The following PLD4 variants were observed in gnomAD, a reference collection of about 807,000 sequenced individuals.
The protein encoded by PLD4 is 5'-3' exonuclease PLD4.
PLD4 carries 54 observed loss-of-function variants against 52.3 expected under a neutral mutation model. That is an observed-to-expected ratio of 1.03 (90% CI 0.83 to 1.30). The LOEUF (loss-of-function observed/expected upper bound fraction) is 1.30. PLD4 is among the 50% of genes most tolerant of loss of function. The probability of loss-of-function intolerance (pLI) is 0.00; values close to 1 mark genes in which losing one functional copy is unlikely to be tolerated. For missense variants in PLD4, 731 were observed against 671.1 expected (o/e 1.09, Z -0.99); for synonymous variants, 264 against 286.5 (o/e 0.92, Z 0.79).
At chr14:104,930,181 C>T (rs895338278) in intron 6 of PLD4, 76 bp downstream of exon 6, 3 of 1,566,102 alleles carry the variant, frequency 1.9e-6, no homozygotes, top group Non-Finnish European at 2.6e-6. Context: ...CTTGGCCTGA[C>T]ATCTCAGTGC....
Position 104,931,756 on chromosome 14 carries a change from A to G in PLD4, c.927A>G (p.Pro309=), listed in dbSNP as rs760069239. Residue 309 remains proline (P), a synonymous_variant, in exon 8 of 11, where the codon CCA becomes CCG. Transcript: ENST00000392593. The part of the protein sequence containing the change: ...VPTTAYFSAS[P]PALCPQGRTR... ...TTTCTCTCCCGTCACAGGCGTCGCC[A>G]CCAGCACTCTGTCCCCAGGGCCGCA... The G allele has an allele frequency of 7.1e-5, 112 of 1,587,700 alleles. No individual in the cohort carries two copies. Among genetic ancestry groups the G allele is most frequent in the Non-Finnish European group, 1.7e-5 (20 of 1,167,904 alleles).
At chr14:104,931,658 C>A (rs1205240474) in intron 7 of PLD4, 90 bp from the exon 8 acceptor site, 1 of 1,472,876 alleles carries the variant, frequency 6.8e-7, no homozygotes, top group Non-Finnish European at 9.0e-7. Flanking sequence ...CTCCACACCA[C>A]ATGGGGCCTC....
rs191212405 is a variant in PLD4 at position 104,931,749 on chromosome 14, C to A, written c.920C>A (p.Ala307Glu). 32 of 1,585,124 alleles carry A rather than the reference C, an allele frequency of 2.0e-5. No individual in the cohort carries two copies. The East Asian group carries it at 6.2e-4, about 31-fold the overall frequency. The change falls in exon 8 of 11, where the codon GCG becomes GAG. Residue 307 changes from alanine (A) to glutamate (E), a missense_variant and splice_region_variant. By Grantham distance (107) the Ala-to-Glu change is moderately radical. Transcript: ENST00000392593. ...DGVPTTAYFSASPPALCPQGR... is the reference protein window; with the variant it reads ...DGVPTTAYFSESPPALCPQGR... ...TCAGGGATTTCTCTCCCGTCACAGGCGTCGCCACCAGCACTCTGTCCCCAG... is the reference window on the plus strand; with the variant it reads ...TCAGGGATTTCTCTCCCGTCACAGGAGTCGCCACCAGCACTCTGTCCCCAG...
chr14:104,929,755 C>T (rs1208831382), intron 5 of PLD4, among the ~76,000 whole-genome samples: 3 of 152,196 alleles, frequency 2.0e-5, no homozygotes, highest in African/African-American at 7.2e-5. Context: ...TGGGCAGTCA[C>T]CACAAAGGCA....
In PLD4 at chr14:104,932,319, A is replaced by G; in HGVS notation, c.1285A>G (p.Ser429Gly). 1.2e-6 allele frequency: 2 copies of G among 1,612,722 alleles called. No individual in the cohort carries two copies. The highest frequency in any genetic ancestry group is 1.7e-6 in the Non-Finnish European group (2 of 1,179,870). ...CATCCCATTCAGCAGGGTGAACCAC[A>G]GCAAGTTCATGGTCACGGAGAAGGC... ...SNIPFSRVNHSKFMVTEKAAY... is the reference protein window; with the variant it reads ...SNIPFSRVNHGKFMVTEKAAY... The change falls in exon 10 of 11, where the codon AGC (serine) becomes GGC (glycine). Residue 429 changes from serine (S) to glycine (G), a missense_variant. Transcript: ENST00000392593. The surrounding 1 kb of genome is among the most constrained non-coding windows in gnomAD (Gnocchi z 6.5).
In PLD4 at chr14:104,931,818, GCGC is replaced by G; in HGVS notation, c.991_993del (p.Ala331del). The G allele has an allele frequency of 3.8e-6, 6 of 1,573,748 alleles. No individual in the cohort carries two copies. Among genetic ancestry groups the G allele is most frequent in the Non-Finnish European group, 5.2e-6 (6 of 1,159,112 alleles). On this transcript the variant is annotated inframe_deletion, in exon 8 of 11. Coordinates refer to ENST00000392593, the MANE Select transcript of PLD4 (RefSeq NM_138790.5). ...GAGGCGCTGCTGGCGGTGATGGGGAGCGCCCAGGAGTTCATCTATGCCTCCGTG... is the reference window on the plus strand; with the variant it reads ...GAGGCGCTGCTGGCGGTGATGGGGAGCCAGGAGTTCATCTATGCCTCCGTG...
At chr14:104,931,479 T>C (rs923712304) in intron 7 of PLD4, among the ~76,000 whole-genome samples, 2 of 152,112 alleles carry the variant, frequency 1.3e-5, no homozygotes, top group African/African-American at 4.8e-5. Flanking sequence ...AGGGAGTGGA[T>C]AAACTTCCCT....
At chr14:104,930,676 G>A in intron 6 of PLD4, 66 bp from the exon 7 acceptor site, 2 of 1,549,280 alleles carry the variant, frequency 1.3e-6, no homozygotes, top group Non-Finnish European at 1.8e-6. Flanking sequence ...CCTGGCCTGG[G>A]TGGAGTGGGG....
chr14:104,927,688 G>C lies in PLD4; in HGVS notation c.106G>C (p.Ala36Pro), dbSNP rs1399273781. 8.1e-6 allele frequency: 13 copies of C among 1,596,334 alleles called. No homozygotes were observed. The highest frequency in any genetic ancestry group is 1.1e-5 in the Non-Finnish European group (13 of 1,174,942). ...CCCCATCCAGTTGCAGGTCCTGGGA[G>C]CGCTGGCTGTGCTGTGGCTGGGCTC... ...REAGTLQVLGALAVLWLGSVA... is the reference protein window; with the variant it reads ...REAGTLQVLGPLAVLWLGSVA... The change falls in exon 3 of 11, where the codon GCG becomes CCG. Residue 36 changes from alanine (A) to proline (P), a missense_variant. Ala to Pro is a conservative substitution (Grantham distance 27). Transcript: ENST00000392593.
At position 104,932,735 on chromosome 14, in the gene PLD4, GC is replaced by G; in HGVS notation, c.1322-26del. ...TGCAGAGGGGCCTGTGGGAGCCGGCGCCCCAGTGTCTCCTCCATCCTCCCCG... is the reference window on the plus strand; with the variant it reads ...TGCAGAGGGGCCTGTGGGAGCCGGCGCCCAGTGTCTCCTCCATCCTCCCCG... On this transcript the variant is annotated intron_variant, in intron 10 of 10. Coordinates refer to ENST00000392593, the MANE Select transcript of PLD4 (RefSeq NM_138790.5). The surrounding 1 kb of genome is among the most constrained non-coding windows in gnomAD (Gnocchi z 6.5). 1.3e-6 allele frequency: 2 copies of G among 1,495,078 alleles called. No homozygotes were observed. The highest frequency in any genetic ancestry group is 1.8e-6 in the Non-Finnish European group (2 of 1,116,724). The allele number at this position is 1,495,078 out of a possible 1,614,324, so 92.6% of individuals were successfully genotyped here. A position where few individuals can be genotyped will look rare whatever the true frequency, so the allele number is the denominator to read the frequency against.
chr14:104,932,696 G>T lies in PLD4; in HGVS notation c.1322-69G>T. 7.1e-7 allele frequency: 1 copy of T among 1,413,442 alleles called. No individual in the cohort carries two copies. The highest frequency in any genetic ancestry group is 1.5e-5 in the South Asian group (1 of 68,504). The allele number at this position is 1,413,442 out of a possible 1,614,324, so 87.6% of individuals were successfully genotyped here. A position where few individuals can be genotyped will look rare whatever the true frequency, so the allele number is the denominator to read the frequency against. On this transcript the variant is annotated intron_variant, in intron 10 of 10. Coordinates refer to ENST00000392593, the MANE Select transcript of PLD4 (RefSeq NM_138790.5). This position sits in a 1 kb window ranked among gnomAD's most constrained non-coding sequence, Gnocchi z 6.5. ...CGTCCCCAAACCCGTAGCCGGGCCT[G>T]GCGCTGAGCGGGCTGCAGAGGGGCC...
In PLD4 at chr14:104,927,151, C is replaced by T. The variant is rs1897481736; in HGVS notation, c.11C>T (p.Pro4Leu). The T allele has an allele frequency of 6.4e-7, 1 of 1,557,622 alleles. No homozygotes were observed. Among genetic ancestry groups the T allele is most frequent in the Non-Finnish European group, 8.7e-7 (1 of 1,150,932 alleles). Residue 4 changes from proline to leucine, a missense_variant, in exon 2 of 11, where the codon CCT (proline) becomes CTT (leucine). Physicochemically the swap from Pro to Leu is moderately conservative, Grantham distance 98. Coordinates refer to ENST00000392593, the MANE Select transcript of PLD4 (RefSeq NM_138790.5). MLK[P>L]LWKAAVAPTW... The stretch of plus-strand genomic sequence containing the variant: ...GGCTGCCCTGTGCAGATGCTGAAGC[C>T]TCTTTGGAAAGCAGCAGTGGCCCCC...
chr14:104,930,112 G>C lies in PLD4; in HGVS notation c.717+7G>C, dbSNP rs1897594858. The C allele has an allele frequency of 1.2e-6, 2 of 1,613,082 alleles. No homozygotes were observed. The highest frequency in any genetic ancestry group is 1.7e-6 in the Non-Finnish European group (2 of 1,179,908). Reference sequence around the variant, plus strand: ...CTGGCGGTCTCTGACGCAGGTGAGTGCCAGGGCCCTAACACAGGAGGCCTG... The same window carrying C: ...CTGGCGGTCTCTGACGCAGGTGAGTCCCAGGGCCCTAACACAGGAGGCCTG... On this transcript the variant is annotated splice_region_variant and intron_variant, in intron 6 of 10. Transcript: ENST00000392593.
Position 104,932,716 on chromosome 14 carries a change from G to A in PLD4, c.1322-49G>A. 1 of 1,465,948 alleles carries A rather than the reference G, an allele frequency of 6.8e-7. No individual in the cohort carries two copies. The highest frequency in any genetic ancestry group is 9.1e-7 in the Non-Finnish European group (1 of 1,098,692). 90.8% of individuals were successfully genotyped at this position (1,465,948 alleles called of 1,614,324 possible). The stretch of plus-strand genomic sequence containing the variant: ...GGCCTGGCGCTGAGCGGGCTGCAGA[G>A]GGGCCTGTGGGAGCCGGCGCCCCAG... On this transcript the variant is annotated intron_variant, in intron 10 of 10. Coordinates refer to ENST00000392593, the MANE Select transcript of PLD4 (RefSeq NM_138790.5). The surrounding 1 kb of genome is among the most constrained non-coding windows in gnomAD (Gnocchi z 6.5).
intron 1 of PLD4, among the ~76,000 whole-genome samples, chr14:104,926,105 C>T (rs1034759498): frequency 3.3e-5 from 5 of 151,990 alleles, no homozygotes; most frequent in African/African-American, 7.3e-5. Context: ...GGTGGACAGC[C>T]GACCCACCGA....
At position 104,929,348 on chromosome 14, in the gene PLD4, G is replaced by A; in HGVS notation, c.510G>A (p.Arg170=). The A allele has an allele frequency of 4.4e-6, 7 of 1,574,276 alleles. No homozygotes were observed. The highest frequency in any genetic ancestry group is 6.0e-6 in the Non-Finnish European group (7 of 1,160,292). The change falls in exon 5 of 11, where the codon AGG becomes AGA. Residue 170 remains arginine (R), a synonymous_variant. Coordinates refer to ENST00000392593, the MANE Select transcript of PLD4 (RefSeq NM_138790.5). ...AGAAGCTGCAGCAGCTGCTGGGCAG[G>A]AACATTTCCCTGGCTGTGGCCACCA... ...LLQKLQQLLG[R]NISLAVATSS...
intron 1 of PLD4, among the ~76,000 whole-genome samples, chr14:104,926,333 C>T (rs1053013437): frequency 1.3e-5 from 2 of 152,196 alleles, no homozygotes; most frequent in Admixed American, 6.5e-5. Flanking sequence ...GTGAGGCACC[C>T]TTCCCCCATG....
At chr14:104,926,260 C>T (rs573993429) in intron 1 of PLD4, among the ~76,000 whole-genome samples, 2 of 152,334 alleles carry the variant, frequency 1.3e-5, no homozygotes, top group East Asian at 3.9e-4. Flanking sequence ...AGAGGCTGGC[C>T]AGCCAGGTGA....
In PLD4 at chr14:104,929,343, G is replaced by A. The variant is rs1371738449; in HGVS notation, c.505G>A (p.Gly169Ser). The A allele has an allele frequency of 1.3e-6, 2 of 1,575,566 alleles. No homozygotes were observed. Among genetic ancestry groups the A allele is most frequent in the Non-Finnish European group, 8.6e-7 (1 of 1,160,984 alleles). ...ALLQKLQQLL[G>S]RNISLAVATS... ...TCTGCAGAAGCTGCAGCAGCTGCTG[G>A]GCAGGAACATTTCCCTGGCTGTGGC... The change falls in exon 5 of 11, where the codon GGC becomes AGC. Residue 169 changes from glycine (G) to serine (S), a missense_variant. By Grantham distance (56) the Gly-to-Ser change is moderately conservative (BLOSUM62 0). Transcript: ENST00000392593.
Sources: allele counts gnomAD v4.1 joint callset (sites outside exome capture counted in the v4.1 genomes callset), GRCh38; gene constraint gnomAD v4.1.1; non-coding constraint Gnocchi (gnomAD v3.1); transcripts MANE v1.5; gene names NCBI Gene and HGNC (gene_info 2026-07-23, HGNC 2026-07-21).